Variants in POLI observed in about 807,000 individuals in gnomAD.
The protein encoded by POLI is RAD30 homolog B.
In POLI, 58 loss-of-function variants were observed where a neutral mutation model predicts 51.6. That is an observed-to-expected ratio of 1.12 (90% confidence interval 0.91 to 1.40). POLI has a LOEUF of 1.40. POLI is among the 40% of genes most tolerant of loss of function. The pLI is 0.00. For missense variants in POLI, 921 were observed against 871.3 expected (o/e 1.06, Z -0.72); for synonymous variants, 322 against 299.7 (o/e 1.07, Z -0.77).
rs370999857 is a variant in POLI at position 54,289,198 on chromosome 18, GT to G, written c.1198+1803del. Reference sequence around the variant, plus strand: ...TAGCCACTGATTTCTCTGCTCAAGTGTTTTTTTTTTTTTTTTCCATTCAAAT... The same window carrying G: ...TAGCCACTGATTTCTCTGCTCAAGTGTTTTTTTTTTTTTTTCCATTCAAAT... On this transcript the variant is annotated intron_variant, in intron 8 of 9. Coordinates refer to ENST00000579534, the MANE Select transcript of POLI (RefSeq NM_007195.3). Among the ~76,000 whole-genome samples, 307 of 132,698 alleles carry G rather than the reference GT, an allele frequency of 2.3e-3. 2 individuals are homozygous for G. The highest frequency in any genetic ancestry group is 5.6e-3 in the Admixed American group (74 of 13,308). 87.1% of individuals were successfully genotyped at this position (132,698 alleles called of 152,430 possible). A position where few individuals can be genotyped will look rare whatever the true frequency, so the allele number is the denominator to read the frequency against.
Position 54,269,546 on chromosome 18 carries a change from G to A in POLI, c.-1G>A. ...GTAGCGCTGCGGTTGGCAGCGGCGG[G>A]ATGGAGAAGCTGGGGGTGGAGCCGG... On this transcript the variant is annotated 5_prime_UTR_variant, in exon 1 of 10. Transcript: ENST00000579534. 6.6e-7 allele frequency: 1 copy of A among 1,509,352 alleles called. No individual in the cohort carries two copies. Among genetic ancestry groups the A allele is most frequent in the Non-Finnish European group, 8.8e-7 (1 of 1,133,090 alleles). 93.5% of individuals were successfully genotyped at this position (1,509,352 alleles called of 1,614,324 possible).
intron 2 of POLI, 29 bp downstream of exon 2, chr18:54,271,514 TGC>T: frequency 2.1e-6 from 3 of 1,429,648 alleles, no homozygotes; most frequent in Non-Finnish European, 2.9e-6. Context: ...TATTTTTAAT[TGC>T]ATAATGATTA....
chr18:54,290,103 A>G (rs2087932817), intron 8 of POLI, among the ~76,000 whole-genome samples: 1 of 152,364 alleles, frequency 6.6e-6, no homozygotes, highest in East Asian at 1.9e-4. Context: ...AATATCCAGA[A>G]TCTACAAAGA....
chr18:54,311,738 T>A (rs1375556059), intron 3 of POLI, among the ~76,000 whole-genome samples: 1 of 152,150 alleles, frequency 6.6e-6, no homozygotes, highest in African/African-American at 2.4e-5. Context: ...AAAGTTTAGG[T>A]TTAGCCTTAG....
At chr18:54,272,751 C>T (rs1356732593) in intron 2 of POLI, among the ~76,000 whole-genome samples, 3 of 151,532 alleles carry the variant, frequency 2.0e-5, no homozygotes, top group Non-Finnish European at 4.4e-5. Flanking sequence ...GGACTACAGA[C>T]GTGAGCCACC....
At chr18:54,272,468 T>C (rs763134712) in intron 2 of POLI, among the ~76,000 whole-genome samples, 4 of 152,008 alleles carry the variant, frequency 2.6e-5, no homozygotes, top group Admixed American at 2.0e-4. Flanking sequence ...TAGTCTTTCA[T>C]TTTGTTTTTG....
chr18:54,280,738 G>A lies in POLI; in HGVS notation c.631G>A (p.Ala211Thr). Reference sequence around the variant, plus strand: ...TCAGATTGCAGCAGAGATGCGGGAAGCCATGTATAATCAGTTGGGGCTCAC... The same window carrying A: ...TCAGATTGCAGCAGAGATGCGGGAAACCATGTATAATCAGTTGGGGCTCAC... ...GSQIAAEMRE[A>T]MYNQLGLTGC... Residue 211 changes from alanine to threonine, a missense_variant, in exon 5 of 10, where the codon GCC (alanine) becomes ACC (threonine). Physicochemically the swap from Ala to Thr is moderately conservative, Grantham distance 58. Coordinates refer to ENST00000579534, the MANE Select transcript of POLI (RefSeq NM_007195.3). The A allele has an allele frequency of 6.2e-7, 1 of 1,613,932 alleles. No individual in the cohort carries two copies. The highest frequency in any genetic ancestry group is 8.5e-7 in the Non-Finnish European group (1 of 1,179,812).
chr18:54,292,098 ACATTACAAATC>A, intron 9 of POLI, 60 bp downstream of exon 9: 3 of 1,017,746 alleles, frequency 2.9e-6, no homozygotes, highest in Non-Finnish European at 4.5e-6. Flanking sequence ...TTGTGTGGTT[ACATTACAAATC>A]TAAGTGCTTG....
At chr18:54,301,844 C>CT (rs2088496889), downstream of POLI, among the ~76,000 whole-genome samples, 6 of 152,266 alleles carry the variant, frequency 3.9e-5, no homozygotes, top group Middle Eastern at 3.4e-3. Flanking sequence ...TTTTATTTTA[C>CT]TTTTTTAAAA....
chr18:54,275,807 G>A (rs1436998920), intron 3 of POLI, among the ~76,000 whole-genome samples: 1 of 151,880 alleles, frequency 6.6e-6, no homozygotes, highest in Non-Finnish European at 1.5e-5. Flanking sequence ...AGTACTTTTT[G>A]TGTTAGGTAT....
chr18:54,283,149 T>A (rs527506025), intron 6 of POLI, 134 bp downstream of exon 6: 1 of 532,814 alleles, frequency 1.9e-6, no homozygotes, highest in Non-Finnish European at 3.3e-6. Context: ...GAAGGCTGAT[T>A]TATTATTAAT....
chr18:54,278,342 A>G (rs944198425), intron 4 of POLI, among the ~76,000 whole-genome samples: 8 of 152,212 alleles, frequency 5.3e-5, no homozygotes, highest in Admixed American at 3.9e-4. Flanking sequence ...CTTAAGTTGT[A>G]AGAGTTGGCT....
Position 54,287,920 on chromosome 18 carries a change from A to G in POLI, c.1198+509A>G, listed in dbSNP as rs373754064. Reference sequence around the variant, plus strand: ...AGAATGTTTTCCAAGTTCAAAGAGAACAAAACTGTGATAACTGTATAGCAT... The same window carrying G: ...AGAATGTTTTCCAAGTTCAAAGAGAGCAAAACTGTGATAACTGTATAGCAT... On this transcript the variant is annotated intron_variant, in intron 8 of 9. Coordinates refer to ENST00000579534, the MANE Select transcript of POLI (RefSeq NM_007195.3). Among the ~76,000 whole-genome samples, 6 of 152,340 alleles carry G rather than the reference A, an allele frequency of 3.9e-5. No individual in the cohort carries two copies. The East Asian group carries it at 7.7e-4, about 20-fold the overall frequency.
intron 5 of POLI, among the ~76,000 whole-genome samples, chr18:54,282,321 A>T (rs761002761): frequency 4.6e-5 from 7 of 152,082 alleles, no homozygotes; most frequent in African/African-American, 7.2e-5. Flanking sequence ...TTTTGTGAGG[A>T]CTTCAAAGAG....
intron 1 of POLI, chr18:54,270,600 A>C (rs2144420360): frequency 6.6e-6 from 1 of 152,334 alleles, no homozygotes; most frequent in Middle Eastern, 3.4e-3. Context: ...ACGCTTTATT[A>C]ATATTCTACC....
In POLI at chr18:54,294,222, C is replaced by T. The variant is rs146389760; in HGVS notation, c.1978C>T (p.Pro660Ser). 94 of 1,613,668 alleles carry T rather than the reference C, an allele frequency of 5.8e-5. No homozygotes were observed. Among genetic ancestry groups the T allele is most frequent in the Admixed American group, 3.5e-4 (21 of 59,972 alleles). Residue 660 changes from proline (P) to serine (S), a missense_variant, in exon 10 of 10, where the codon CCA (proline) becomes TCA (serine). Pro to Ser is a moderately conservative substitution (Grantham distance 74). Transcript: ENST00000579534. ...NPAVSAFHSF[P>S]NLQSEQLFSR... ...TGCTGTGTCTGCTTTTCATTCATTT[C>T]CAAACTTGCAGAGTGAGCAACTTTT...
At chr18:54,272,452 C>T (rs2087047380) in intron 2 of POLI, among the ~76,000 whole-genome samples, 1 of 151,978 alleles carries the variant, frequency 6.6e-6, no homozygotes, top group Non-Finnish European at 1.5e-5. Flanking sequence ...TGGGGGAAAA[C>T]GAAAGTAGTC....
At chr18:54,303,714 C>G (rs1247673186) in intron 3 of POLI, among the ~76,000 whole-genome samples, 2 of 151,608 alleles carry the variant, frequency 1.3e-5, no homozygotes, top group East Asian at 1.9e-4. Flanking sequence ...AGACTGCAGG[C>G]ATGCATTCTC....
chr18:54,303,912 A>AT (rs967332170), intron 3 of POLI, among the ~76,000 whole-genome samples: 1 of 143,264 alleles, frequency 7.0e-6, no homozygotes, highest in Non-Finnish European at 1.5e-5. Context: ...TCCCTCCCCC[A>AT]TCCCCCCACC....
Sources: allele counts gnomAD v4.1 joint callset (sites outside exome capture counted in the v4.1 genomes callset), GRCh38; gene constraint gnomAD v4.1.1; transcripts MANE v1.5; gene names NCBI Gene and HGNC (gene_info 2026-07-23, HGNC 2026-07-21).